The following SIL1 variants were observed in gnomAD, a reference collection of about 807,000 sequenced individuals.
The protein encoded by SIL1 is nucleotide exchange factor SIL1.
Under a neutral mutation model 49.1 loss-of-function variants are expected in SIL1, and 40 were observed. The ratio of observed to expected loss-of-function variants is 0.81; its 90% confidence interval spans 0.63 to 1.06. SIL1 has a LOEUF of 1.06. SIL1 is among the 50% of genes least tolerant of loss of function. The pLI, the probability that SIL1 is intolerant of heterozygous loss-of-function variation, is 0.00. For synonymous variants in SIL1, 253 were observed against 250.8 expected (o/e 1.01, Z -0.08); for missense variants, 500 against 572.6 (o/e 0.87, Z 1.29).
In SIL1 at chr5:138,947,800, G is replaced by A. The variant is rs927561846; in HGVS notation, c.1030-327C>T. 6.6e-6 allele frequency among the ~76,000 whole-genome samples: 1 copy of A among 152,196 alleles called. No homozygotes were observed. The highest frequency in any genetic ancestry group is 2.4e-5 in the African/African-American group (1 of 41,438). The stretch of plus-strand genomic sequence containing the variant: ...TGTAATCTAACAGTGCAGCATGGAG[G>A]CAGACAGGCTGGCTTCAAATTCCTG... On this transcript the variant is annotated intron_variant, in intron 9 of 9. Transcript: ENST00000394817. The surrounding 1 kb of genome is among the most constrained non-coding windows in gnomAD (Gnocchi z 4.1).
intron 1 of SIL1, among the ~76,000 whole-genome samples, chr5:139,135,924 G>A (rs947441631): frequency 9.9e-5 from 15 of 151,834 alleles, no homozygotes; most frequent in African/African-American, 3.1e-4. Flanking sequence ...AAAATTAGCC[G>A]GGTGTCATGG....
rs1750781477 is a variant in SIL1, at chr5:139,127,733, A to G, written c.105+6T>C. 2.5e-6 allele frequency: 4 copies of G among 1,606,180 alleles called. No homozygotes were observed. Among genetic ancestry groups the G allele is most frequent in the Non-Finnish European group, 3.4e-6 (4 of 1,177,038 alleles). Reference sequence around the variant, plus strand: ...GGTCCCTCCCATTTACAATAAAGATATTTACCAGGTTCTGATGACTGAGGC... The same window carrying G: ...GGTCCCTCCCATTTACAATAAAGATGTTTACCAGGTTCTGATGACTGAGGC... On this transcript the variant is annotated splice_donor_region_variant and intron_variant, in intron 2 of 9. Transcript: ENST00000394817.
At chr5:138,976,155 C>G (rs898639967) in intron 7 of SIL1, among the ~76,000 whole-genome samples, 1 of 152,180 alleles carries the variant, frequency 6.6e-6, no homozygotes, top group African/African-American at 2.4e-5. Context: ...CCCAGATATT[C>G]CAGCCCTCCA....
intron 7 of SIL1, among the ~76,000 whole-genome samples, chr5:138,988,167 G>C (rs1006438497): frequency 6.6e-6 from 1 of 152,194 alleles, no homozygotes; most frequent in South Asian, 2.1e-4. Flanking sequence ...CAATTGTAAA[G>C]ACAAAGCATT....
At chr5:139,088,939 G>A (rs114968584) in intron 3 of SIL1, among the ~76,000 whole-genome samples, 188 of 152,208 alleles carry the variant, frequency 1.2e-3, no homozygotes, top group African/African-American at 4.2e-3. Context: ...CCTTTTGTAG[G>A]GGTCGATCTC....
At chr5:138,979,445 TCAC>T (rs961117128) in intron 7 of SIL1, among the ~76,000 whole-genome samples, 1 of 152,208 alleles carries the variant, frequency 6.6e-6, no homozygotes, top group African/African-American at 2.4e-5. Context: ...TCTGTCTTGT[TCAC>T]CACCACATCC....
At chr5:139,176,964 A>C in intron 1 of SIL1, among the ~76,000 whole-genome samples, 1 of 118,848 alleles carries the variant, frequency 8.4e-6, no homozygotes, top group African/African-American at 3.2e-5. Context: ...ACAGAGTCTC[A>C]CTCTGTCGCC....
At chr5:139,049,396 C>T (rs930382928) in intron 4 of SIL1, among the ~76,000 whole-genome samples, 1 of 152,166 alleles carries the variant, frequency 6.6e-6, no homozygotes, top group Admixed American at 6.5e-5. Context: ...AGGCTGGTCT[C>T]GAACTGCTGA....
chr5:139,137,041 G>A (rs963581916), intron 1 of SIL1, among the ~76,000 whole-genome samples: 2 of 152,170 alleles, frequency 1.3e-5, no homozygotes. Context: ...ACTGCCCGGA[G>A]GCTTTAGTCC....
chr5:139,143,769 A>G (rs1751140793), intron 1 of SIL1, among the ~76,000 whole-genome samples: 1 of 152,200 alleles, frequency 6.6e-6, no homozygotes, highest in Non-Finnish European at 1.5e-5. Context: ...ACACACAAAA[A>G]TCAGTTGTAT....
chr5:138,965,457 CA>C (rs2150388111), intron 7 of SIL1, among the ~76,000 whole-genome samples: 1 of 152,148 alleles, frequency 6.6e-6, no homozygotes, highest in East Asian at 1.9e-4. Context: ...GTAGGGTGAC[CA>C]CATAATTTAT....
At position 138,951,158 on chromosome 5, in the gene SIL1, C is replaced by T. The variant is rs2150377327; in HGVS notation, c.1029+13G>A. The T allele has an allele frequency of 6.2e-7, 1 of 1,609,158 alleles. No homozygotes were observed. The highest frequency in any genetic ancestry group is 8.5e-7 in the Non-Finnish European group (1 of 1,177,736). On this transcript the variant is annotated intron_variant, in intron 9 of 9. Transcript: ENST00000394817. ...AGCAAACAAGAGGAGACTGGGTGGG[C>T]CTGGGCACTCACCTTCTCCGTGACC...
intron 1 of SIL1, among the ~76,000 whole-genome samples, chr5:139,188,879 G>A (rs1752120507): frequency 6.6e-6 from 1 of 152,180 alleles, no homozygotes; most frequent in African/African-American, 2.4e-5. Context: ...TTGAGCACCT[G>A]ACAAGAGAGA....
chr5:139,144,727 C>T (rs1581131952), intron 1 of SIL1, among the ~76,000 whole-genome samples: 1 of 152,050 alleles, frequency 6.6e-6, no homozygotes, highest in African/African-American at 2.4e-5. Context: ...AAAAATTAGC[C>T]GGGCGTGGTG....
At chr5:138,955,589 G>C (rs1766884838) in intron 7 of SIL1, among the ~76,000 whole-genome samples, 1 of 152,246 alleles carries the variant, frequency 6.6e-6, no homozygotes, top group Non-Finnish European at 1.5e-5. Flanking sequence ...CTGACCACAG[G>C]GAAGGCAGCC....
chr5:139,145,083 G>T (rs924407195), intron 1 of SIL1, among the ~76,000 whole-genome samples: 3 of 152,190 alleles, frequency 2.0e-5, no homozygotes, highest in African/African-American at 7.2e-5. Flanking sequence ...CAAAATATTT[G>T]CAAATCACAC....
At chr5:138,991,167 C>T (rs925126190) in intron 7 of SIL1, among the ~76,000 whole-genome samples, 3 of 152,216 alleles carry the variant, frequency 2.0e-5, no homozygotes, top group South Asian at 2.1e-4. Flanking sequence ...TGTTTTCTGG[C>T]GTGTTGGCCA....
intron 7 of SIL1, among the ~76,000 whole-genome samples, chr5:139,001,338 C>G (rs901811201): frequency 6.6e-6 from 1 of 152,054 alleles, no homozygotes; most frequent in African/African-American, 2.4e-5. Flanking sequence ...TATAACCTAG[C>G]AATTCTACTT....
At chr5:139,174,321 A>G (rs1751835643) in intron 1 of SIL1, among the ~76,000 whole-genome samples, 1 of 151,994 alleles carries the variant, frequency 6.6e-6, no homozygotes, top group African/African-American at 2.4e-5. Context: ...ATATGTCAAG[A>G]TCCCATCTCT....
Sources: gnomAD v4.1 joint callset for allele counts (sites outside exome capture counted in the v4.1 genomes callset) on GRCh38, gnomAD v4.1.1 for gene constraint, Gnocchi (gnomAD v3.1) non-coding constraint, MANE v1.5 for transcripts, NCBI Gene and HGNC (gene_info 2026-07-23, HGNC 2026-07-21) for gene names.